DOCK5: variants seen among roughly 807,000 people sequenced by gnomAD.
The protein encoded by DOCK5 is dedicator of cytokinesis 5.
DOCK5 carries 142 observed loss-of-function variants against 251.8 expected under a neutral mutation model. The observed-to-expected ratio is 0.56, with a 90% CI of 0.49 to 0.65. The LOEUF (loss-of-function observed/expected upper bound fraction) is 0.65, where lower values mean the gene tolerates loss of function less well. DOCK5 is among the 30% of genes least tolerant of loss of function. The pLI is 0.00. For synonymous variants in DOCK5, 842 were observed against 835.5 expected (o/e 1.01, Z -0.13); for missense variants, 2,111 against 2,312.3 (o/e 0.91, Z 1.79).
intron 5 of DOCK5, among the ~76,000 whole-genome samples, chr8:25,289,838 GTTTCCAAA>G (rs1554533206): frequency 6.6e-6 from 1 of 151,826 alleles, no homozygotes; most frequent in Non-Finnish European, 1.5e-5. Flanking sequence ...GCAAAACTCC[GTTTCCAAA>G]AAAAAGAAAG....
intron 5 of DOCK5, among the ~76,000 whole-genome samples, chr8:25,291,701 A>G (rs570178661): frequency 1.0e-4 from 11 of 107,054 alleles, no homozygotes; most frequent in African/African-American, 3.6e-4. Flanking sequence ...AAAAAAAATC[A>G]ACCAGGCCAG....
intron 1 of DOCK5, among the ~76,000 whole-genome samples, chr8:25,218,954 G>A (rs73558447): frequency 0.03 from 4,556 of 152,174 alleles, 82 homozygotes; most frequent in South Asian, 0.043. Flanking sequence ...ACTTTCCTTC[G>A]TCTTCTTCTC....
At chr8:25,369,727 A>G (rs1800840657) in intron 34 of DOCK5, 86 bp downstream of exon 34, 1 of 1,192,506 alleles carries the variant, frequency 8.4e-7, no homozygotes, top group Non-Finnish European at 1.2e-6. Context: ...CAATAGAGCA[A>G]TTGAGTAGTC....
intron 5 of DOCK5, among the ~76,000 whole-genome samples, chr8:25,291,744 T>G (rs1307093634): frequency 6.7e-6 from 1 of 149,638 alleles, no homozygotes; most frequent in East Asian, 2.0e-4. Context: ...TCCCAGCACT[T>G]TGGGAGGCCG....
chr8:25,266,238 T>C (rs1249074681), intron 2 of DOCK5, among the ~76,000 whole-genome samples: 4 of 151,262 alleles, frequency 2.6e-5, no homozygotes, highest in Non-Finnish European at 5.9e-5. Flanking sequence ...TTTTTTGAGA[T>C]GGAGTCTCGC....
rs748174755 is a variant in DOCK5 at position 25,364,617 on chromosome 8, C to G, written c.3045-9C>G. ...GTTGGCTTCTTTATCTGGTGTTTTC[C>G]TTCCGCAGGGTTTTTCTCCGTGCTA... On this transcript the variant is annotated splice_polypyrimidine_tract_variant and intron_variant, in intron 29 of 51. Coordinates refer to ENST00000276440, the MANE Select transcript of DOCK5 (RefSeq NM_024940.8). The G allele has an allele frequency of 6.3e-7, 1 of 1,589,748 alleles. No individual in the cohort carries two copies. The highest frequency in any genetic ancestry group is 1.3e-5 in the African/African-American group (1 of 74,674).
In DOCK5 at chr8:25,399,900, C is replaced by CT. The variant is rs770792868; in HGVS notation, c.4705-3dup. 25 of 1,602,198 alleles carry CT rather than the reference C, an allele frequency of 1.6e-5. No homozygotes were observed. The highest frequency in any genetic ancestry group is 8.0e-5 in the African/African-American group (6 of 74,608). On this transcript the variant is annotated splice_polypyrimidine_tract_variant and intron_variant, in intron 45 of 51. Transcript: ENST00000276440. ...GTGTTCTAATTAAAACTTGCATATG[C>CT]TTTTTTTTAGGCTTTTTTTACAGAA...
At chr8:25,371,851 G>A (rs1401953873) in intron 34 of DOCK5, among the ~76,000 whole-genome samples, 2 of 152,128 alleles carry the variant, frequency 1.3e-5, no homozygotes, top group Non-Finnish European at 2.9e-5. Flanking sequence ...CTGGATTAAT[G>A]TGTTGGACCC....
rs1801501144 is a variant in DOCK5, at chr8:25,405,117, T to C, written c.5093+1393T>C. 3.9e-5 allele frequency among the ~76,000 whole-genome samples: 6 copies of C among 152,184 alleles called. No individual in the cohort carries two copies. The South Asian group carries it at 1.2e-3, about 31-fold the overall frequency. ...AAATGTTTTCTCCTAATTTCTCCTT[T>C]ATCTTTTGACTTCTAATTTGTTGCT... On this transcript the variant is annotated intron_variant, in intron 48 of 51. Transcript: ENST00000276440.
At chr8:25,261,070 C>T (rs1452076432) in intron 2 of DOCK5, among the ~76,000 whole-genome samples, 2 of 152,154 alleles carry the variant, frequency 1.3e-5, no homozygotes, top group Admixed American at 6.6e-5. Context: ...TGAGCCACCA[C>T]GCCCAGAGAG....
At chr8:25,202,118 G>A (rs558774385) in intron 1 of DOCK5, among the ~76,000 whole-genome samples, 153 of 152,126 alleles carry the variant, frequency 1.0e-3, no homozygotes, top group African/African-American at 3.5e-3. Flanking sequence ...CCGGGTTCAC[G>A]CGATTCTCCT....
intron 22 of DOCK5, among the ~76,000 whole-genome samples, chr8:25,340,265 A>T (rs1384603760): frequency 6.6e-6 from 1 of 152,232 alleles, no homozygotes; most frequent in African/African-American, 2.4e-5. Context: ...TAACGATCTC[A>T]GTGAAGTTCA....
At chr8:25,382,609 A>G (rs2117304505) in intron 39 of DOCK5, 65 bp from the exon 40 acceptor site, 1 of 1,307,548 alleles carries the variant, frequency 7.6e-7, no homozygotes. Context: ...ACAAAGTCTG[A>G]CTTTTTTTTT....
At chr8:25,263,004 G>A (rs1403944987) in intron 2 of DOCK5, among the ~76,000 whole-genome samples, 1 of 151,668 alleles carries the variant, frequency 6.6e-6, no homozygotes, top group Non-Finnish European at 1.5e-5. Flanking sequence ...AGCAGCAGAG[G>A]CTGTGGGATT....
At chr8:25,395,378 TGGC>T (rs1310307519) in intron 44 of DOCK5, among the ~76,000 whole-genome samples, 162 bp from the exon 45 acceptor site, 1 of 152,204 alleles carries the variant, frequency 6.6e-6, no homozygotes, top group Non-Finnish European at 1.5e-5. Context: ...GATACTGGCC[TGGC>T]ATTTTGGGAC....
At chr8:25,371,032 T>G (rs1311174987) in intron 34 of DOCK5, among the ~76,000 whole-genome samples, 2 of 152,176 alleles carry the variant, frequency 1.3e-5, no homozygotes, top group Non-Finnish European at 2.9e-5. Flanking sequence ...TTCCCTGAAC[T>G]TTTCTAGTGT....
chr8:25,354,064 A>AC (rs1563213122), intron 27 of DOCK5, among the ~76,000 whole-genome samples: 14 of 136,618 alleles, frequency 1.0e-4, no homozygotes, highest in South Asian at 4.9e-4. Flanking sequence ...AAAAAAAAAA[A>AC]CGTAGGAGAG....
chr8:25,297,311 G>A (rs1051603956), intron 7 of DOCK5, among the ~76,000 whole-genome samples: 1 of 151,380 alleles, frequency 6.6e-6, no homozygotes, highest in African/African-American at 2.4e-5. Context: ...CTGTTGCCCT[G>A]GAGTGGCCAG....
Position 25,296,508 on chromosome 8 carries a change from T to G in DOCK5, c.471-5T>G. Reference sequence around the variant, plus strand: ...AGAACCAGCTGACTACTCCTTTCTCTCCAGAATGCTGGGGTTAGATCTGGT... The same window carrying G: ...AGAACCAGCTGACTACTCCTTTCTCGCCAGAATGCTGGGGTTAGATCTGGT... On this transcript the variant is annotated splice_region_variant and splice_polypyrimidine_tract_variant and intron_variant, in intron 6 of 51. Coordinates refer to ENST00000276440, the MANE Select transcript of DOCK5 (RefSeq NM_024940.8). The G allele has an allele frequency of 2.5e-6, 4 of 1,606,938 alleles. No homozygotes were observed. Among genetic ancestry groups the G allele is most frequent in the Non-Finnish European group, 3.4e-6 (4 of 1,176,724 alleles).
Sources: gnomAD v4.1 joint callset for allele counts (sites outside exome capture counted in the v4.1 genomes callset) on GRCh38, gnomAD v4.1.1 for gene constraint, MANE v1.5 for transcripts, NCBI Gene and HGNC (gene_info 2026-07-23, HGNC 2026-07-21) for gene names.